The following PGA3 variants were observed in gnomAD, a reference collection of about 807,000 sequenced individuals.
The protein encoded by PGA3 is pepsin A-3.
A neutral mutation model predicts 15.6 loss-of-function variants in PGA3; 1 was observed. The observed-to-expected ratio is 0.06, with a 90% confidence interval of 0.02 to 0.30. The LOEUF (loss-of-function observed/expected upper bound fraction) is 0.30, where lower values mean the gene tolerates loss of function less well. PGA3 is among the 10% of genes least tolerant of loss of function. The pLI is 1.00. For synonymous variants in PGA3, 14 were observed against 79.5 expected, an observed-to-expected ratio of 0.18 and a Z score of 4.38; for missense variants, 29 against 183.7, an observed-to-expected ratio of 0.16 and a Z score of 4.87.
At chr11:61,203,650 G>C in intron 1 of PGA3, 30 bp downstream of exon 1, 2 of 1,606,970 alleles carry the variant, frequency 1.2e-6, no homozygotes, top group Non-Finnish European at 1.7e-6. Context: ...GTGTGAAGAC[G>C]CTGCCTCCCA....
intron 1 of PGA3, 196 bp downstream of exon 1, chr11:61,203,816 C>T (rs1056617371): frequency 2.6e-5 from 23 of 890,600 alleles, no homozygotes; most frequent in Non-Finnish European, 3.9e-5. Context: ...CTGTGGTTCC[C>T]AGCTCCAGCC....
At chr11:61,203,759 T>C (rs1466446427) in intron 1 of PGA3, 139 bp downstream of exon 1, 1 of 1,426,828 alleles carries the variant, frequency 7.0e-7, no homozygotes, top group Non-Finnish European at 9.7e-7. Flanking sequence ...CTCTGCCTTT[T>C]TGGGAGGCAG....
chr11:61,203,714 A>G (rs1610780), intron 1 of PGA3, 94 bp downstream of exon 1: 5 of 1,594,062 alleles, frequency 3.1e-6, no homozygotes, highest in African/African-American at 2.9e-5. Flanking sequence ...CTCCCTCTCT[A>G]TTCAGCTGTC....
In PGA3 at chr11:61,203,636, G is replaced by A. The variant is rs1251198087; in HGVS notation, c.56+16G>A. 13 of 1,604,200 alleles carry A rather than the reference G, an allele frequency of 8.1e-6. No individual in the cohort carries two copies. The highest frequency in any genetic ancestry group is 2.2e-4 in the Middle Eastern group (1 of 4,450). On this transcript the variant is annotated intron_variant, in intron 1 of 8. Transcript: ENST00000325558. ...TCATGTACAAGTGAGTCCGGGTGGT[G>A]TGGGTGTGAAGACGCTGCCTCCCAC... is the stretch of plus-strand genomic sequence containing the variant.
At chr11:61,211,889 C>T (rs1440122455) in intron 8 of PGA3, among the ~76,000 whole-genome samples, 3 of 151,264 alleles carry the variant, frequency 2.0e-5, no homozygotes, top group Admixed American at 2.0e-4. Context: ...TTTCCGTAGG[C>T]TGGGGCTTCT....
chr11:61,205,843 A>G (rs999845202), intron 2 of PGA3: 2 of 99,528 alleles, frequency 2.0e-5, no homozygotes, highest in African/African-American at 7.4e-5. Context: ...CTAAAAATAC[A>G]AAAATTTGCC....
At chr11:61,205,585 T>A (rs1204520950) in intron 2 of PGA3, 22 of 119,150 alleles carry the variant, frequency 1.8e-4, no homozygotes, top group Non-Finnish European at 3.6e-4. Flanking sequence ...GATAAAAGGA[T>A]CAGCCAAGGA....
rs1313854509 is a variant in PGA3, at chr11:61,203,756, T to C, written c.56+136T>C. ...CCCCTTTTCCGCCTCTCTCTCTGCC[T>C]TTTTGGGAGGCAGCCCTGCAGACAT... On this transcript the variant is annotated intron_variant, in intron 1 of 8. Transcript: ENST00000325558. 2,408 of 1,454,976 alleles carry C rather than the reference T, an allele frequency of 1.7e-3. 46 individuals are homozygous for C. The African/African-American group carries it at 0.03, about 18-fold the overall frequency. 90.1% of individuals were successfully genotyped at this position (1,454,976 alleles called of 1,614,324 possible).
In PGA3 at chr11:61,205,400, T is replaced by C. The variant is rs1452294667; in HGVS notation, c.220-1110T>C. Among the ~76,000 whole-genome samples, 4 of 152,290 alleles carry C rather than the reference T, an allele frequency of 2.6e-5. No individual in the cohort carries two copies. In the East Asian group the frequency reaches 5.8e-4, roughly 22 times the overall value. On this transcript the variant is annotated intron_variant, in intron 2 of 8. Coordinates refer to ENST00000325558, the MANE Select transcript of PGA3 (RefSeq NM_001079807.4). ...CCTGGAGCTTATACTCTAAAGGGGA[T>C]GACAAATAAACAACCATGTAAGAGA...
At chr11:61,211,811 C>A (rs1437301739) in intron 8 of PGA3, among the ~76,000 whole-genome samples, 1 of 151,110 alleles carries the variant, frequency 6.6e-6, no homozygotes, top group African/African-American at 2.4e-5. Flanking sequence ...CCTCAGAGTG[C>A]GGTTAGGTCA....
intron 3 of PGA3, 147 bp downstream of exon 3, chr11:61,206,774 C>G: frequency 1.1e-4 from 1 of 9,086 alleles, no homozygotes. Flanking sequence ...CTACTACGTG[C>G]CAAGCACTGG....
chr11:61,211,777 A>G lies in PGA3; in HGVS notation c.1017+342A>G, dbSNP rs1178906708. Among the ~76,000 whole-genome samples, 95 of 149,632 alleles carry G rather than the reference A, an allele frequency of 6.3e-4. 2 individuals carry two copies. Among genetic ancestry groups the G allele is most frequent in the African/African-American group, 7.0e-4 (29 of 41,292 alleles). On this transcript the variant is annotated intron_variant, in intron 8 of 8. Coordinates refer to ENST00000325558, the MANE Select transcript of PGA3 (RefSeq NM_001079807.4). ...TCACCCTCAGTTTTCTCATCCAAAA[A>G]GTAGAGATGGCAGCTTTCCCCACCC...
At chr11:61,207,024 TA>T (rs144549980) in intron 3 of PGA3, among the ~76,000 whole-genome samples, 32 of 19,108 alleles carry the variant, frequency 1.7e-3, no homozygotes, top group South Asian at 3.3e-3. Flanking sequence ...TGAGCTCATT[TA>T]AAAAAAAAAA....
rs529027129 is a variant in PGA3, at chr11:61,203,793, G to C, written c.56+173G>C. 2,707 of 1,095,692 alleles carry C rather than the reference G, an allele frequency of 2.5e-3. 27 individuals carry two copies. Among genetic ancestry groups the C allele is most frequent in the African/African-American group, 0.024 (1,506 of 62,088 alleles). 67.9% of individuals were successfully genotyped at this position (1,095,692 alleles called of 1,614,324 possible). On this transcript the variant is annotated intron_variant, in intron 1 of 8. Transcript: ENST00000325558. ...AGCCCTGCAGACATGGTTAAAACTCGGGCCCAGCCTGACTGTGGTTCCCAG... is the reference window on the plus strand; with the variant it reads ...AGCCCTGCAGACATGGTTAAAACTCCGGCCCAGCCTGACTGTGGTTCCCAG...
chr11:61,203,706 C>G, intron 1 of PGA3, 86 bp downstream of exon 1: 3 of 1,604,796 alleles, frequency 1.9e-6, no homozygotes, highest in East Asian at 4.5e-5. Context: ...CCTTTTTTCT[C>G]CCTCTCTATT....
intron 8 of PGA3, 82 bp downstream of exon 8, chr11:61,211,517 C>T (rs1298663076): frequency 6.6e-5 from 91 of 1,376,952 alleles, no homozygotes; most frequent in Non-Finnish European, 8.4e-5. Context: ...GGAAAGTACA[C>T]TTCCACGAGC....
chr11:61,205,533 G>A (rs1344228910), intron 2 of PGA3: 6 of 151,674 alleles, frequency 4.0e-5, no homozygotes, highest in Non-Finnish European at 8.8e-5. Context: ...AGGCCTGTTG[G>A]CAGAGGGGAC....
chr11:61,211,313 T>C (rs1178306626), intron 7 of PGA3, 24 bp from the exon 8 acceptor site: 1 of 959,248 alleles, frequency 1.0e-6, no homozygotes, highest in Admixed American at 2.2e-5. Flanking sequence ...CCCTTCTAAC[T>C]TTTCTCACCC....
chr11:61,204,793 C>T (rs1243317305), intron 2 of PGA3: 2 of 167,942 alleles, frequency 1.2e-5, no homozygotes, highest in East Asian at 1.6e-4. Flanking sequence ...GAAGGGGAGC[C>T]GAGAGGGAGG....
Sources: gnomAD v4.1 joint callset for allele counts (sites outside exome capture counted in the v4.1 genomes callset) on GRCh38, gnomAD v4.1.1 for gene constraint, MANE v1.5 for transcripts, NCBI Gene and HGNC (gene_info 2026-07-23, HGNC 2026-07-21) for gene names.